LTN1: variants seen among roughly 807,000 people sequenced by gnomAD.
LTN1 encodes the protein listerin E3 ubiquitin protein ligase 1.
A neutral mutation model predicts 201.2 loss-of-function variants in LTN1; 88 were observed. That is an observed-to-expected ratio of 0.44 (90% CI 0.37 to 0.52). The LOEUF is 0.52. Among genes scored for constraint, LTN1 ranks in the 20% least tolerant of loss-of-function variants. LTN1 has a pLI of 0.00. For synonymous variants in LTN1, 645 were observed against 713.5 expected (o/e 0.90, Z 1.53); for missense variants, 1,752 against 2,038.7 (o/e 0.86, Z 2.71).
intron 25 of LTN1, among the ~76,000 whole-genome samples, chr21:28,938,767 T>C (rs566867333): frequency 1.3e-5 from 2 of 152,350 alleles, no homozygotes; most frequent in South Asian, 4.1e-4. Context: ...ATACTTATGA[T>C]ACATGCTTCA....
At chr21:28,965,229 CTTTAAAA>C (rs1306954160) in intron 11 of LTN1, among the ~76,000 whole-genome samples, 1 of 152,032 alleles carries the variant, frequency 6.6e-6, no homozygotes, top group Non-Finnish European at 1.5e-5. Context: ...TTTGAAAATG[CTTTAAAA>C]AGGAGTAAGA....
rs149558431 is a variant in LTN1 at position 28,969,483 on chromosome 21, T to A, written c.1294A>T (p.Met432Leu). ...ATAGATACCTGATCATTGACGAGCA[T>A]CTGTTCAATCTCTTCCTCACCTAAG... is the stretch of plus-strand genomic sequence containing the variant. ...QNLGEEEIEQMLVNDQLIPFI... is the reference protein window; with the variant it reads ...QNLGEEEIEQLLVNDQLIPFI... Residue 432 changes from methionine to leucine, a missense_variant, in exon 9 of 30, where the codon ATG (methionine) becomes TTG (leucine). Physicochemically the swap from Met to Leu is conservative, Grantham distance 15. This residue lies in a region of LTN1 where 1,211 missense variants were observed against 1,312.8 expected (regional missense o/e 0.92). Coordinates refer to ENST00000361371, the MANE Select transcript of LTN1 (RefSeq NM_015565.3). 7.9e-5 allele frequency: 127 copies of A among 1,609,564 alleles called. No individual in the cohort carries two copies. The African/African-American group carries it at 1.4e-3, about 18-fold the overall frequency.
chr21:28,948,998 A>G (rs535446916), intron 18 of LTN1, among the ~76,000 whole-genome samples: 1 of 152,346 alleles, frequency 6.6e-6, no homozygotes, highest in African/African-American at 2.4e-5. Context: ...ACTTTCACCA[A>G]ATATGCACAG....
intron 28 of LTN1, 83 bp from the exon 29 acceptor site, chr21:28,931,405 G>T: frequency 2.6e-6 from 2 of 765,686 alleles, no homozygotes; most frequent in South Asian, 2.2e-5. Flanking sequence ...TTTTAAAGTT[G>T]AATTACAATT....
chr21:28,932,418 A>G (rs1274047103), intron 28 of LTN1, 52 bp downstream of exon 28: 3 of 1,407,382 alleles, frequency 2.1e-6, no homozygotes, highest in Admixed American at 1.8e-5. Flanking sequence ...GCCCTTTTAA[A>G]TAGATCATCT....
Position 28,966,447 on chromosome 21 carries a change from C to T in LTN1, c.2044G>A (p.Val682Met), listed in dbSNP as rs1392423618. ...EDQRKDFGFL[V>M]DILYSALRCC... ...CGGAGAGCACTGTACAAAATGTCCA[C>T]CAGGAAACCAAAATCCTTCCTTTGA... The change falls in exon 10 of 30, where the codon GTG becomes ATG. Residue 682 changes from valine (V) to methionine (M), a missense_variant. Physicochemically the swap from Val to Met is conservative, Grantham distance 21 (BLOSUM62 1). Around this residue, in one of 3 missense-constraint regions of LTN1, gnomAD observed 1,211 missense variants for 1,312.8 expected, o/e 0.92. Coordinates refer to ENST00000361371, the MANE Select transcript of LTN1 (RefSeq NM_015565.3). 1 of 1,614,026 alleles carries T rather than the reference C, an allele frequency of 6.2e-7. No homozygotes were observed. Among genetic ancestry groups the T allele is most frequent in the African/African-American group, 1.3e-5 (1 of 74,920 alleles).
rs1242812114 is a variant in LTN1 at position 28,967,165 on chromosome 21, A to G, written c.1326T>C (p.Ile442=). The change falls in exon 10 of 30, where the codon ATT becomes ATC. Residue 442 remains isoleucine (I), a synonymous_variant. Transcript: ENST00000361371. Reference sequence around the variant, plus strand: ...ATCCTGGGTCTTTGAGAACTGCATCAATAAAAGGGATCAACTGAAAGAAAA... The same window carrying G: ...ATCCTGGGTCTTTGAGAACTGCATCGATAAAAGGGATCAACTGAAAGAAAA... ...MLVNDQLIPF[I]DAVLKDPGLQ... 2 of 1,606,800 alleles carry G rather than the reference A, an allele frequency of 1.2e-6. No homozygotes were observed. Among genetic ancestry groups the G allele is most frequent in the Non-Finnish European group, 1.7e-6 (2 of 1,177,438 alleles).
At chr21:28,990,527 G>C (rs2084736454) in intron 1 of LTN1, among the ~76,000 whole-genome samples, 1 of 152,218 alleles carries the variant, frequency 6.6e-6, no homozygotes, top group Admixed American at 6.5e-5. Context: ...GTTTGTGGAA[G>C]AGCAGGACAT....
chr21:28,992,467 C>T (rs1231360979), intron 1 of LTN1, among the ~76,000 whole-genome samples: 1 of 152,176 alleles, frequency 6.6e-6, no homozygotes, highest in Non-Finnish European at 1.5e-5. Context: ...CCCGCTACCT[C>T]GGCCAGATCA....
chr21:28,931,068 T>TA, intron 29 of LTN1, 87 bp downstream of exon 29: 1 of 106,232 alleles, frequency 9.4e-6, no homozygotes, highest in Non-Finnish European at 1.6e-5. Flanking sequence ...ATTGTGTAGG[T>TA]GTGTGTGTGT....
intron 4 of LTN1, among the ~76,000 whole-genome samples, chr21:28,983,348 A>G (rs1030445154): frequency 2.0e-5 from 3 of 152,236 alleles, no homozygotes; most frequent in African/African-American, 7.2e-5. Flanking sequence ...TAAAGCTCTT[A>G]GCGTCCAAAC....
intron 18 of LTN1, 80 bp from the exon 19 acceptor site, chr21:28,947,686 C>T (rs1205155654): frequency 1.2e-6 from 1 of 811,326 alleles, no homozygotes; most frequent in Non-Finnish European, 1.8e-6. Context: ...ATTTAGACTA[C>T]TGAAAAAGAT....
chr21:28,944,122 G>A (rs1427405619), intron 22 of LTN1, among the ~76,000 whole-genome samples: 1 of 152,078 alleles, frequency 6.6e-6, no homozygotes, highest in African/African-American at 2.4e-5. Context: ...CAATAGCAAG[G>A]TTCTATTCAC....
rs1166481159 is a variant in LTN1, at chr21:28,928,731, C to T, written c.*1717G>A. 6.6e-6 allele frequency: 1 copy of T among 151,912 alleles called. No homozygotes were observed. The highest frequency in any genetic ancestry group is 1.5e-5 in the Non-Finnish European group (1 of 67,946). 9.4% of individuals were successfully genotyped at this position (151,912 alleles called of 1,614,324 possible). ...TAGTGTTTCACCAAGAATCTGATGC[C>T]CTAATACTAATGTGGAAAAACAATG... On this transcript the variant is annotated 3_prime_UTR_variant, in exon 30 of 30. Transcript: ENST00000361371.
chr21:28,948,646 C>G (rs767273709), intron 18 of LTN1, among the ~76,000 whole-genome samples: 2 of 152,100 alleles, frequency 1.3e-5, no homozygotes, highest in Admixed American at 6.5e-5. Flanking sequence ...ACATATTGTT[C>G]TATCATTTAC....
At position 28,941,303 on chromosome 21, in the gene LTN1, G is replaced by A. The variant is rs554472667; in HGVS notation, c.4399C>T (p.Leu1467=). The A allele has an allele frequency of 1.9e-5, 31 of 1,613,024 alleles. No homozygotes were observed. In the East Asian group the frequency reaches 6.9e-4, roughly 36 times the overall value. The change falls in exon 25 of 30, where the codon CTG becomes TTG. Residue 1467 remains leucine, a synonymous_variant. Coordinates refer to ENST00000361371, the MANE Select transcript of LTN1 (RefSeq NM_015565.3). ...PVGQIVTIKP[L]SEDFCYVLGY... ...AGAACATAACAGAAGTCTTCACTCA[G>A]TGGTTTAATAGTAACTATCTGTCCA...
At chr21:28,979,661 C>G (rs894602851) in intron 6 of LTN1, among the ~76,000 whole-genome samples, 3 of 152,048 alleles carry the variant, frequency 2.0e-5, no homozygotes, top group Admixed American at 2.0e-4. Flanking sequence ...AATTTGTAAC[C>G]CCAAAAACAA....
chr21:28,939,906 AT>A (rs2084284222), intron 25 of LTN1, among the ~76,000 whole-genome samples: 1 of 152,224 alleles, frequency 6.6e-6, no homozygotes, highest in African/African-American at 2.4e-5. Context: ...AAACTAATCT[AT>A]TTAACAGCTA....
Position 28,969,538 on chromosome 21 carries a change from A to G in LTN1, c.1239T>C (p.Phe413=). 1 of 1,609,640 alleles carries G rather than the reference A, an allele frequency of 6.2e-7. No individual in the cohort carries two copies. The highest frequency in any genetic ancestry group is 8.5e-7 in the Non-Finnish European group (1 of 1,177,074). The change falls in exon 9 of 30, where the codon TTT becomes TTC. Residue 413 remains phenylalanine (F), a synonymous_variant. Coordinates refer to ENST00000361371, the MANE Select transcript of LTN1 (RefSeq NM_015565.3). ...GCTGCATTATAAAACGTAAGCATTC[A>G]AAAAAAGCAGATATTACTGCCGAGG... ...LESSAVISAF[F]ECLRFIMQQN... is the part of the protein sequence containing the mutation.
Sources: allele counts gnomAD v4.1 joint callset (sites outside exome capture counted in the v4.1 genomes callset), GRCh38; gene constraint gnomAD v4.1.1; regional missense constraint gnomAD v4.1.1; transcripts MANE v1.5; gene names NCBI Gene and HGNC (gene_info 2026-07-23, HGNC 2026-07-21).